The following JAKMIP2 variants were observed in gnomAD, a reference collection of about 807,000 sequenced individuals.
JAKMIP2 encodes the protein janus kinase and microtubule-interacting protein 2.
A neutral mutation model predicts 115.0 loss-of-function variants in JAKMIP2; 25 were observed. The observed-to-expected ratio is 0.22, with a 90% CI of 0.16 to 0.30. The LOEUF (loss-of-function observed/expected upper bound fraction) is 0.30. Among genes scored for constraint, JAKMIP2 ranks in the 10% least tolerant of loss-of-function variants. JAKMIP2 has a pLI of 1.00. For synonymous variants in JAKMIP2, 334 were observed against 343.6 expected (o/e 0.97, Z 0.31); for missense variants, 642 against 957.6 (o/e 0.67, Z 4.35).
In JAKMIP2 at chr5:147,782,603, G is replaced by T; in HGVS notation, c.-296C>A. Reference sequence around the variant, plus strand: ...TTCCCTCTGTCTCTGGTTGGCGATGGTGCGAATAGGAACCACCCTTCCAGC... The same window carrying T: ...TTCCCTCTGTCTCTGGTTGGCGATGTTGCGAATAGGAACCACCCTTCCAGC... On this transcript the variant is annotated 5_prime_UTR_variant, in exon 1 of 22. Transcript: ENST00000616793. The T allele has an allele frequency of 1.2e-6, 1 of 802,034 alleles. No homozygotes were observed. The highest frequency in any genetic ancestry group is 2.1e-6 in the Non-Finnish European group (1 of 478,964). 49.7% of individuals were successfully genotyped at this position (802,034 alleles called of 1,614,324 possible). A position where few individuals can be genotyped will look rare whatever the true frequency, so the allele number is the denominator to read the frequency against.
chr5:147,696,044 T>C (rs1678003715), intron 1 of JAKMIP2, among the ~76,000 whole-genome samples: 1 of 152,168 alleles, frequency 6.6e-6, no homozygotes, highest in Non-Finnish European at 1.5e-5. Flanking sequence ...CAGCCTTAAC[T>C]TTCCTTATCT....
intron 18 of JAKMIP2, among the ~76,000 whole-genome samples, chr5:147,619,224 T>C (rs1246033688): frequency 6.6e-6 from 1 of 152,146 alleles, no homozygotes; most frequent in African/African-American, 2.4e-5. Flanking sequence ...GGTCTCATCT[T>C]TTTAAGGATA....
chr5:147,774,074 T>C (rs993023555), intron 1 of JAKMIP2, among the ~76,000 whole-genome samples: 1 of 152,182 alleles, frequency 6.6e-6, no homozygotes, highest in African/African-American at 2.4e-5. Context: ...AAAATTCAAA[T>C]GTTTTCCATA....
At chr5:147,699,268 C>T (rs1352769801) in intron 1 of JAKMIP2, among the ~76,000 whole-genome samples, 1 of 152,078 alleles carries the variant, frequency 6.6e-6, no homozygotes, top group African/African-American at 2.4e-5. Flanking sequence ...GACATGAGCA[C>T]AGTTGTGTTC....
rs190485872 is a variant in JAKMIP2, at chr5:147,588,472, G to A, written c.*3235C>T. On this transcript the variant is annotated 3_prime_UTR_variant, in exon 22 of 22. Coordinates refer to ENST00000616793, the MANE Select transcript of JAKMIP2 (RefSeq NM_001270941.2). ...CCAAGGGAAGCATTCATTTAAACACGGTCCATTTCCATGGATCCATGAGTG... is the reference window on the plus strand; with the variant it reads ...CCAAGGGAAGCATTCATTTAAACACAGTCCATTTCCATGGATCCATGAGTG... 37 of 149,626 alleles carry A rather than the reference G, an allele frequency of 2.5e-4. No homozygotes were observed. Among genetic ancestry groups the A allele is most frequent in the African/African-American group, 8.4e-4 (34 of 40,594 alleles). 9.3% of individuals were successfully genotyped at this position (149,626 alleles called of 1,614,324 possible). A position where few individuals can be genotyped will look rare whatever the true frequency, so the allele number is the denominator to read the frequency against.
chr5:147,698,649 C>G (rs892943287), intron 1 of JAKMIP2, among the ~76,000 whole-genome samples: 6 of 152,104 alleles, frequency 3.9e-5, no homozygotes, highest in African/African-American at 1.4e-4. Context: ...TAGGGCTTCC[C>G]CCTTCACTCA....
chr5:147,591,940 T>C (rs955914724), intron 21 of JAKMIP2, among the ~76,000 whole-genome samples: 1 of 152,212 alleles, frequency 6.6e-6, no homozygotes, highest in Admixed American at 6.5e-5. Flanking sequence ...GTAAGTTGCC[T>C]GAAATATTAT....
At chr5:147,627,396 GAGAGAGAA>G (rs1364806844) in intron 16 of JAKMIP2, among the ~76,000 whole-genome samples, 1 of 151,960 alleles carries the variant, frequency 6.6e-6, no homozygotes, top group Non-Finnish European at 1.5e-5. Flanking sequence ...GTGGAGAATG[GAGAGAGAA>G]AGAGAGAGAG....
rs538592619 is a variant in JAKMIP2, at chr5:147,771,840, A to C, written c.-149+10616T>G. Among the ~76,000 whole-genome samples the C allele has an allele frequency of 1.2e-4, 19 of 152,236 alleles. No homozygotes were observed. In the South Asian group the frequency reaches 3.5e-3, roughly 28 times the overall value. On this transcript the variant is annotated intron_variant, in intron 1 of 21. Transcript: ENST00000616793. The stretch of plus-strand genomic sequence containing the variant: ...GGCTAACAATTGGAAGCCTATAAAT[A>C]TTTTCTATTTTGAGGGTCTTCAGTG...
intron 1 of JAKMIP2, among the ~76,000 whole-genome samples, chr5:147,698,100 C>G (rs538477896): frequency 6.6e-6 from 1 of 152,314 alleles, no homozygotes; most frequent in African/African-American, 2.4e-5. Flanking sequence ...ATGAGCCCAC[C>G]TCTTGCATTA....
At chr5:147,700,221 TAAAAATATG>T (rs1752268876) in intron 1 of JAKMIP2, among the ~76,000 whole-genome samples, 1 of 151,914 alleles carries the variant, frequency 6.6e-6, no homozygotes, top group Admixed American at 6.6e-5. Flanking sequence ...TAAAAATAGT[TAAAAATATG>T]AAAAATATTA....
At chr5:147,663,009 G>A (rs2126786556) in intron 2 of JAKMIP2, among the ~76,000 whole-genome samples, 1 of 151,854 alleles carries the variant, frequency 6.6e-6, no homozygotes, top group Non-Finnish European at 1.5e-5. Flanking sequence ...AAAAAAAGAA[G>A]AGAAAAGGAA....
chr5:147,748,402 A>G (rs1003913569), intron 1 of JAKMIP2, among the ~76,000 whole-genome samples: 2 of 152,222 alleles, frequency 1.3e-5, no homozygotes, highest in African/African-American at 4.8e-5. Flanking sequence ...TACAGGAGGT[A>G]GAAGGAAATT....
At chr5:147,760,588 T>G (rs984545256) in intron 1 of JAKMIP2, among the ~76,000 whole-genome samples, 5 of 152,122 alleles carry the variant, frequency 3.3e-5, no homozygotes, top group African/African-American at 1.2e-4. Context: ...AGATGCAGTA[T>G]CATTAGAATG....
chr5:147,606,532 A>G (rs966486805), intron 20 of JAKMIP2, among the ~76,000 whole-genome samples: 2 of 151,914 alleles, frequency 1.3e-5, no homozygotes, highest in East Asian at 1.9e-4. Context: ...GTTCTGTTCC[A>G]TTGGTCTATA....
At chr5:147,647,736 C>CA (rs1407920106) in intron 5 of JAKMIP2, among the ~76,000 whole-genome samples, 1 of 152,158 alleles carries the variant, frequency 6.6e-6, no homozygotes, top group African/African-American at 2.4e-5. Context: ...TGTGACAACT[C>CA]ACTGTTTGGT....
At chr5:147,653,497 G>A (rs531106230) in intron 3 of JAKMIP2, among the ~76,000 whole-genome samples, 43 of 152,006 alleles carry the variant, frequency 2.8e-4, no homozygotes, top group African/African-American at 9.4e-4. Flanking sequence ...TTTGTTGGCC[G>A]CATAAATGTC....
intron 2 of JAKMIP2, among the ~76,000 whole-genome samples, chr5:147,668,005 A>G (rs1759389375): frequency 6.6e-6 from 1 of 152,144 alleles, no homozygotes. Flanking sequence ...AATGAGTTAA[A>G]CAGTTTGAAC....
chr5:147,661,007 A>T lies in JAKMIP2; in HGVS notation c.568T>A (p.Ser190Thr). ...ATCTTCGAGATGGCTTCTTGGTGGGACTGATGCTCACTCCGAAGGTCCCCA... is the reference window on the plus strand; with the variant it reads ...ATCTTCGAGATGGCTTCTTGGTGGGTCTGATGCTCACTCCGAAGGTCCCCA... ...KAGDLRSEHQ[S>T]HQEAISKIKW... is the part of the protein sequence containing the mutation. Residue 190 changes from serine to threonine, a missense_variant, in exon 3 of 22, where the codon TCC becomes ACC. Physicochemically the swap from Ser to Thr is moderately conservative, Grantham distance 58. Coordinates refer to ENST00000616793, the MANE Select transcript of JAKMIP2 (RefSeq NM_001270941.2). 1 of 1,613,928 alleles carries T rather than the reference A, an allele frequency of 6.2e-7. No individual in the cohort carries two copies. Among genetic ancestry groups the T allele is most frequent in the Non-Finnish European group, 8.5e-7 (1 of 1,179,992 alleles).
Sources: gnomAD v4.1 joint callset for allele counts (sites outside exome capture counted in the v4.1 genomes callset) on GRCh38, gnomAD v4.1.1 for gene constraint, MANE v1.5 for transcripts, NCBI Gene and HGNC (gene_info 2026-07-23, HGNC 2026-07-21) for gene names.